The following PREX2 variants were observed in gnomAD, a reference collection of about 807,000 sequenced individuals.
PREX2 encodes the protein phosphatidylinositol-3,4,5-trisphosphate dependent Rac exchange factor 2.
Under a neutral mutation model 203.2 loss-of-function variants are expected in PREX2, and 107 were observed. The observed-to-expected ratio is 0.53, with a 90% CI of 0.45 to 0.62. PREX2 has a LOEUF of 0.62. Ranked by LOEUF, PREX2 falls within the 20% of genes least tolerant of loss-of-function variation. The pLI, the probability that PREX2 is intolerant of heterozygous loss-of-function variation, is 0.00. For missense variants in PREX2, 1,777 were observed against 1,955.9 expected (o/e 0.91, Z 1.72); for synonymous variants, 672 against 663.6 (o/e 1.01, Z -0.19).
At chr8:68,210,655 T>A (rs1442229306) in intron 37 of PREX2, among the ~76,000 whole-genome samples, 1 of 152,216 alleles carries the variant, frequency 6.6e-6, no homozygotes, top group East Asian at 1.9e-4. Context: ...CTTGAGAGAT[T>A]GGCTTCCTTG....
Position 67,970,692 on chromosome 8 carries a change from C to T in PREX2, c.141+18157C>T, listed in dbSNP as rs116698718. The stretch of plus-strand genomic sequence containing the variant: ...TCAGAGTAAGAAATATGAAATAAAT[C>T]AGGAGAAAATCATTTTCCTCTTCTG... On this transcript the variant is annotated intron_variant, in intron 1 of 39. Transcript: ENST00000288368. Among the ~76,000 whole-genome samples the T allele has an allele frequency of 8.3e-3, 1,266 of 152,162 alleles. 26 individuals carry two copies. The highest frequency in any genetic ancestry group is 0.029 in the African/African-American group (1,206 of 41,494).
chr8:67,953,824 G>A (rs188628616), intron 1 of PREX2, among the ~76,000 whole-genome samples: 1 of 152,226 alleles, frequency 6.6e-6, no homozygotes, highest in East Asian at 1.9e-4. Context: ...GTGGTTTATA[G>A]AATTATTATA....
rs1299134916 is a variant in PREX2, at chr8:68,095,653, G to A, written c.2369-1364G>A. 2.5e-5 allele frequency among the ~76,000 whole-genome samples: 3 copies of A among 121,540 alleles called. No homozygotes were observed. In the South Asian group the frequency reaches 7.7e-4, roughly 31 times the overall value. 79.7% of individuals were successfully genotyped at this position (121,540 alleles called of 152,430 possible). A position where few individuals can be genotyped will look rare whatever the true frequency, so the allele number is the denominator to read the frequency against. On this transcript the variant is annotated intron_variant, in intron 21 of 39. Coordinates refer to ENST00000288368, the MANE Select transcript of PREX2 (RefSeq NM_024870.4). ...TTTCCTTTCCATTTTTTTTTTTTCA[G>A]AGTCTTTCTTTGTCACCCAGGCTAG...
At chr8:68,205,569 A>G (rs554127076) in intron 37 of PREX2, among the ~76,000 whole-genome samples, 12 of 152,300 alleles carry the variant, frequency 7.9e-5, no homozygotes, top group Non-Finnish European at 1.6e-4. Flanking sequence ...TATTTAACAG[A>G]CTGCATTAGT....
chr8:68,109,646 T>C (rs1810497539), intron 25 of PREX2, 23 bp downstream of exon 25: 2 of 1,579,070 alleles, frequency 1.3e-6, no homozygotes, highest in Non-Finnish European at 1.7e-6. Flanking sequence ...TACTACACTT[T>C]TAAGTTTGCC....
In PREX2 at chr8:68,088,732, A is replaced by G. The variant is rs538253009; in HGVS notation, c.2113+923A>G. ...GATAGACAGTTAAAATCTTCCCAAT[A>G]ACTCATTAAATATTGTCAAACTAAA... On this transcript the variant is annotated intron_variant, in intron 19 of 39. Transcript: ENST00000288368. Among the ~76,000 whole-genome samples, 6 of 152,330 alleles carry G rather than the reference A, an allele frequency of 3.9e-5. No homozygotes were observed. The East Asian group carries it at 5.8e-4, about 15-fold the overall frequency.
chr8:68,089,373 A>G (rs557869224), intron 19 of PREX2, among the ~76,000 whole-genome samples: 12 of 152,294 alleles, frequency 7.9e-5, no homozygotes, highest in Non-Finnish European at 1.3e-4. Context: ...TTCCTACGTT[A>G]CAGACAAATT....
chr8:67,977,778 T>C (rs1259020886), intron 1 of PREX2, among the ~76,000 whole-genome samples: 4 of 152,118 alleles, frequency 2.6e-5, no homozygotes, highest in Admixed American at 2.0e-4. Context: ...AACCCCAAAG[T>C]ACTAGGTTTG....
At chr8:68,016,573 C>G (rs897225711) in intron 1 of PREX2, among the ~76,000 whole-genome samples, 1 of 152,030 alleles carries the variant, frequency 6.6e-6, no homozygotes, top group Non-Finnish European at 1.5e-5. Flanking sequence ...GAATAAAGTC[C>G]TAGAAGTAGT....
chr8:67,976,050 A>G (rs1157850027), intron 1 of PREX2, among the ~76,000 whole-genome samples: 4 of 152,040 alleles, frequency 2.6e-5, no homozygotes, highest in African/African-American at 9.7e-5. Context: ...AAAAAAATGC[A>G]TAGATTCTTC....
intron 37 of PREX2, among the ~76,000 whole-genome samples, chr8:68,204,944 G>A (rs1812587430): frequency 6.6e-6 from 1 of 151,808 alleles, no homozygotes; most frequent in African/African-American, 2.4e-5. Flanking sequence ...GCCTCCCAAA[G>A]TGCTGGGATT....
At position 68,019,711 on chromosome 8, in the gene PREX2, C is replaced by T. The variant is rs554483876; in HGVS notation, c.336+40C>T. 2.5e-4 allele frequency: 396 copies of T among 1,573,942 alleles called. 1 individual carries two copies. Among genetic ancestry groups the T allele is most frequent in the Non-Finnish European group, 3.3e-4 (385 of 1,161,326 alleles). On this transcript the variant is annotated intron_variant, in intron 3 of 39. Coordinates refer to ENST00000288368, the MANE Select transcript of PREX2 (RefSeq NM_024870.4). ...TTTTTATTTTAAAAGTTCTTTTCCCCTAGATTTTGAGATTTAGCTCTTGGC... is the reference window on the plus strand; with the variant it reads ...TTTTTATTTTAAAAGTTCTTTTCCCTTAGATTTTGAGATTTAGCTCTTGGC...
chr8:68,209,438 A>C (rs1812704214), intron 37 of PREX2, among the ~76,000 whole-genome samples: 1 of 152,318 alleles, frequency 6.6e-6, no homozygotes, highest in Non-Finnish European at 1.5e-5. Flanking sequence ...TAAGATTCTA[A>C]ATATAAATCT....
At chr8:68,198,571 G>C (rs1359345173) in intron 37 of PREX2, among the ~76,000 whole-genome samples, 1 of 152,134 alleles carries the variant, frequency 6.6e-6, no homozygotes, top group African/African-American at 2.4e-5. Context: ...ATAGCTGACT[G>C]TTTTTCTTTA....
In PREX2 at chr8:67,961,104, T is replaced by C. The variant is rs1398164594; in HGVS notation, c.141+8569T>C. ...AAAAAGAAAATGATTTATCTGACAT[T>C]TTAGTGTGATTATAGTTTCCTCAGC... On this transcript the variant is annotated intron_variant, in intron 1 of 39. Coordinates refer to ENST00000288368, the MANE Select transcript of PREX2 (RefSeq NM_024870.4). Among the ~76,000 whole-genome samples the C allele has an allele frequency of 2.6e-5, 4 of 151,894 alleles. No individual in the cohort carries two copies. The East Asian group carries it at 7.7e-4, about 29-fold the overall frequency.
intron 27 of PREX2, 57 bp from the exon 28 acceptor site, chr8:68,119,375 G>A (rs941309564): frequency 2.2e-5 from 25 of 1,132,808 alleles, no homozygotes; most frequent in Non-Finnish European, 3.1e-5. Flanking sequence ...ATTTTGGTAC[G>A]TTAAACATAA....
chr8:68,062,692 A>G (rs776069920), intron 11 of PREX2, among the ~76,000 whole-genome samples: 33 of 152,144 alleles, frequency 2.2e-4, no homozygotes, highest in Non-Finnish European at 3.8e-4. Flanking sequence ...CATGTCTTCC[A>G]TGACCCTTTG....
intron 35 of PREX2, among the ~76,000 whole-genome samples, chr8:68,184,639 A>G (rs1812153032): frequency 6.6e-6 from 1 of 152,176 alleles, no homozygotes; most frequent in Non-Finnish European, 1.5e-5. Context: ...AAGCAAGAGT[A>G]TAGCAGAAAT....
In PREX2 at chr8:68,030,596, A is replaced by T; in HGVS notation, c.643A>T (p.Lys215Ter). ...TGTCTGTTCCAACATAAACGAGGCC[A>T]AGAGACAGATGGAGAAGTTAGAAGT... ...KAVCSNINEAKRQMEKLEVLE... is the reference protein window; with the variant it reads ...KAVCSNINEA The change falls in exon 6 of 40, where the codon AAG becomes TAG. Residue 215 changes from lysine (K) to a stop codon, truncating the protein, a stop_gained. Coordinates refer to ENST00000288368, the MANE Select transcript of PREX2 (RefSeq NM_024870.4). LOFTEE classifies it high-confidence loss of function. 1 of 1,613,756 alleles carries T rather than the reference A, an allele frequency of 6.2e-7. No homozygotes were observed. The highest frequency in any genetic ancestry group is 8.5e-7 in the Non-Finnish European group (1 of 1,179,720).
Sources: gnomAD v4.1 joint callset for allele counts (sites outside exome capture counted in the v4.1 genomes callset) on GRCh38, gnomAD v4.1.1 for gene constraint, MANE v1.5 for transcripts, NCBI Gene and HGNC (gene_info 2026-07-23, HGNC 2026-07-21) for gene names.